The following HS6ST3 variants were observed in gnomAD, a reference collection of about 807,000 sequenced individuals.
HS6ST3 encodes the protein heparan-sulfate 6-O-sulfotransferase 3.
Under a neutral mutation model 36.7 loss-of-function variants are expected in HS6ST3, and 12 were observed. The ratio of observed to expected loss-of-function variants is 0.33; its 90% CI spans 0.21 to 0.53. The LOEUF (loss-of-function observed/expected upper bound fraction) is 0.53. HS6ST3 is among the 20% of genes least tolerant of loss of function. HS6ST3 has a pLI of 0.95. For synonymous variants in HS6ST3, 240 were observed against 257.5 expected (o/e 0.93, Z 0.65); for missense variants, 584 against 640.9 (o/e 0.91, Z 0.96).
At chr13:96,779,557 A>C (rs1877474574) in intron 1 of HS6ST3, among the ~76,000 whole-genome samples, 1 of 151,996 alleles carries the variant, frequency 6.6e-6, no homozygotes, top group Non-Finnish European at 1.5e-5. Context: ...CATTTTGTGG[A>C]TGAGTAGCGA....
chr13:96,621,869 G>C (rs1162635670), intron 1 of HS6ST3, among the ~76,000 whole-genome samples: 1 of 152,146 alleles, frequency 6.6e-6, no homozygotes, highest in Non-Finnish European at 1.5e-5. Context: ...ACATACCAGG[G>C]GAATTGTGAG....
intron 1 of HS6ST3, among the ~76,000 whole-genome samples, chr13:96,734,308 A>G (rs1034376414): frequency 6.6e-6 from 1 of 152,236 alleles, no homozygotes; most frequent in African/African-American, 2.4e-5. Flanking sequence ...GCTTGGTCAT[A>G]GACTTTCTTC....
At chr13:96,399,877 A>C (rs2055440657) in intron 1 of HS6ST3, among the ~76,000 whole-genome samples, 2 of 152,226 alleles carry the variant, frequency 1.3e-5, no homozygotes, top group Admixed American at 1.3e-4. Context: ...TATAAGTAAA[A>C]ACTATACTCC....
intron 1 of HS6ST3, among the ~76,000 whole-genome samples, chr13:96,352,480 C>G (rs2055188471): frequency 6.6e-6 from 1 of 152,200 alleles, no homozygotes; most frequent in Non-Finnish European, 1.5e-5. Context: ...CTGGCTTCCC[C>G]AGAGCACGCG....
At chr13:96,181,564 G>C (rs1243921514) in intron 1 of HS6ST3, among the ~76,000 whole-genome samples, 1 of 152,196 alleles carries the variant, frequency 6.6e-6, no homozygotes, top group East Asian at 1.9e-4. Context: ...GCCTGGTGGA[G>C]TTGCAGATGG....
intron 1 of HS6ST3, among the ~76,000 whole-genome samples, chr13:96,662,431 TGAATTTTTCCTTTCCA>T (rs1439015063): frequency 6.6e-6 from 1 of 152,136 alleles, no homozygotes; most frequent in African/African-American, 2.4e-5. Flanking sequence ...ACTTCTTCAG[TGAATTTTTCCTTTCCA>T]GAAGTTCTGT....
intron 1 of HS6ST3, among the ~76,000 whole-genome samples, chr13:96,106,001 G>T (rs999665611): frequency 3.3e-5 from 5 of 152,184 alleles, no homozygotes; most frequent in Non-Finnish European, 5.9e-5. Context: ...GGCAGTGAAG[G>T]GTTTATATTG....
chr13:96,249,450 T>C (rs2054598153), intron 1 of HS6ST3, among the ~76,000 whole-genome samples: 1 of 151,052 alleles, frequency 6.6e-6, no homozygotes, highest in South Asian at 2.1e-4. Context: ...AGAAATGGAG[T>C]AGGAGGTGAG....
At chr13:96,755,624 A>G (rs1186734960) in intron 1 of HS6ST3, among the ~76,000 whole-genome samples, 1 of 152,150 alleles carries the variant, frequency 6.6e-6, no homozygotes, top group Non-Finnish European at 1.5e-5. Flanking sequence ...TGGCCTCCCA[A>G]AGTGCTGGGA....
chr13:96,804,642 G>C (rs966389920), intron 1 of HS6ST3, among the ~76,000 whole-genome samples: 1 of 152,000 alleles, frequency 6.6e-6, no homozygotes. Flanking sequence ...CGATTGTGAT[G>C]TGTTCCCAGG....
intron 1 of HS6ST3, among the ~76,000 whole-genome samples, chr13:96,346,499 C>T (rs1179025147): frequency 9.3e-5 from 14 of 151,290 alleles, no homozygotes; most frequent in Admixed American, 5.9e-4. Flanking sequence ...GGCGTGAACC[C>T]GGGAGGCGGA....
At chr13:96,432,611 G>T (rs2055621074) in intron 1 of HS6ST3, among the ~76,000 whole-genome samples, 1 of 152,074 alleles carries the variant, frequency 6.6e-6, no homozygotes. Flanking sequence ...AAAAGCTAAT[G>T]GAGCTAGAAA....
intron 1 of HS6ST3, among the ~76,000 whole-genome samples, chr13:96,366,612 A>G (rs2055264443): frequency 6.6e-6 from 1 of 152,134 alleles, no homozygotes; most frequent in South Asian, 2.1e-4. Flanking sequence ...GTTTCTAAAA[A>G]TCCCCATGCC....
At chr13:96,536,617 G>C (rs1472429739) in intron 1 of HS6ST3, among the ~76,000 whole-genome samples, 1 of 152,166 alleles carries the variant, frequency 6.6e-6, no homozygotes, top group African/African-American at 2.4e-5. Context: ...GAGAGGCAAA[G>C]TCATGCTTGT....
chr13:96,815,887 C>T (rs909356380), intron 1 of HS6ST3, among the ~76,000 whole-genome samples: 2 of 152,162 alleles, frequency 1.3e-5, no homozygotes, highest in Admixed American at 1.3e-4. Flanking sequence ...CCCCCATGAG[C>T]CGCTAAGAAT....
At chr13:96,492,414 G>A (rs905298607) in intron 1 of HS6ST3, among the ~76,000 whole-genome samples, 18 of 152,194 alleles carry the variant, frequency 1.2e-4, no homozygotes, top group African/African-American at 3.9e-4. Flanking sequence ...ACCACTCTGT[G>A]TTGTAAGCAC....
At chr13:96,363,470 T>C (rs2055248960) in intron 1 of HS6ST3, among the ~76,000 whole-genome samples, 1 of 152,180 alleles carries the variant, frequency 6.6e-6, no homozygotes, top group Admixed American at 6.5e-5. Context: ...AGAAAGGATT[T>C]TGGCAGGCAG....
chr13:96,647,821 T>C (rs926549086), intron 1 of HS6ST3, among the ~76,000 whole-genome samples: 1 of 152,024 alleles, frequency 6.6e-6, no homozygotes, highest in African/African-American at 2.4e-5. Context: ...AGAGATACTT[T>C]GCAACAGTAG....
rs139229223 is a variant in HS6ST3 at position 96,519,109 on chromosome 13, C to T, written c.708-313381C>T. ...ACTTATTTAAAAGCTATTTACTTGG[C>T]GCAGAGTTCATTCTCTTTGCTTTCA... On this transcript the variant is annotated intron_variant, in intron 1 of 1. Transcript: ENST00000376705. Among the ~76,000 whole-genome samples the T allele has an allele frequency of 5.6e-4, 86 of 152,244 alleles. 1 individual carries two copies. The East Asian group carries it at 0.015, about 27-fold the overall frequency.
Sources: gnomAD v4.1 joint callset for allele counts (sites outside exome capture counted in the v4.1 genomes callset) on GRCh38, gnomAD v4.1.1 for gene constraint, MANE v1.5 for transcripts, NCBI Gene and HGNC (gene_info 2026-07-23, HGNC 2026-07-21) for gene names.